The following NEBL variants were observed in gnomAD, a reference collection of about 807,000 sequenced individuals.
NEBL encodes the protein nebulette.
In NEBL, 122 loss-of-function variants were observed where a neutral mutation model predicts 140.2. That is an observed-to-expected ratio of 0.87 (90% CI 0.75 to 1.01). The LOEUF is 1.01. Ranked by LOEUF, NEBL falls within the 50% of genes least tolerant of loss-of-function variation. The pLI is 0.00. For missense variants in NEBL, 1,365 were observed against 1,231.3 expected (o/e 1.11, Z -1.62); for synonymous variants, 436 against 398.9 (o/e 1.09, Z -1.11).
At chr10:20,910,189 A>G (rs1339603769) in intron 4 of NEBL, among the ~76,000 whole-genome samples, 1 of 152,212 alleles carries the variant, frequency 6.6e-6, no homozygotes, top group Non-Finnish European at 1.5e-5. Flanking sequence ...TTTAAAAATT[A>G]TCTATATAGT....
intron 6 of NEBL, 137 bp downstream of exon 6, chr10:20,869,602 AG>A (rs942280849): frequency 4.0e-5 from 28 of 693,988 alleles, no homozygotes; most frequent in African/African-American, 3.7e-4. Flanking sequence ...TAGATAATTT[AG>A]GGGGGGAAAT....
chr10:20,878,240 A>G lies in NEBL; in HGVS notation c.480+2554T>C, dbSNP rs80137388. On this transcript the variant is annotated intron_variant, in intron 5 of 27. Coordinates refer to ENST00000377122, the MANE Select transcript of NEBL (RefSeq NM_006393.3). ...ATTACTAAAGGCACAAGAGAGAGACATCTTGGTTCACTAAAAGATATTAGA... is the reference window on the plus strand; with the variant it reads ...ATTACTAAAGGCACAAGAGAGAGACGTCTTGGTTCACTAAAAGATATTAGA... Among the ~76,000 whole-genome samples, 365 of 152,318 alleles carry G rather than the reference A, an allele frequency of 2.4e-3. 12 individuals are homozygous for G. The East Asian group carries it at 0.053, about 22-fold the overall frequency.
intron 4 of NEBL, among the ~76,000 whole-genome samples, chr10:20,942,378 C>A (rs921111046): frequency 2.6e-5 from 4 of 152,178 alleles, no homozygotes; most frequent in African/African-American, 7.2e-5. Flanking sequence ...GGAAAACTGG[C>A]TAGCCATATG....
chr10:21,183,846 A>G (rs1473525752), intron 3 of NEBL, among the ~76,000 whole-genome samples: 1 of 152,146 alleles, frequency 6.6e-6, no homozygotes, highest in East Asian at 1.9e-4. Context: ...TAATTGAATC[A>G]TGGGGGAGGG....
intron 2 of NEBL, among the ~76,000 whole-genome samples, chr10:21,088,872 T>C (rs1836776008): frequency 6.6e-6 from 1 of 152,172 alleles, no homozygotes; most frequent in Middle Eastern, 3.2e-3. Flanking sequence ...GAAGTCTTTC[T>C]AGAAGAGCTG....
At chr10:21,243,916 C>CAAAAGG (rs1302377570) in intron 3 of NEBL, among the ~76,000 whole-genome samples, 2 of 108,512 alleles carry the variant, frequency 1.8e-5, no homozygotes, top group African/African-American at 8.4e-5. Context: ...GGAAGGAAGG[C>CAAAAGG]GAAAGGGAAA....
At chr10:20,792,027 G>A (rs1836037289) in intron 26 of NEBL, among the ~76,000 whole-genome samples, 1 of 151,336 alleles carries the variant, frequency 6.6e-6, no homozygotes, top group African/African-American at 2.4e-5. Flanking sequence ...GTGCAGTGAA[G>A]CCACAGTTAA....
intron 1 of NEBL, among the ~76,000 whole-genome samples, chr10:21,275,157 C>T (rs991252824): frequency 2.6e-5 from 4 of 152,320 alleles, no homozygotes; most frequent in South Asian, 2.1e-4. Context: ...ACAGCTTTAT[C>T]GCGGCCTCAT....
At chr10:21,193,744 T>C (rs1239077904) in intron 3 of NEBL, among the ~76,000 whole-genome samples, 2 of 152,210 alleles carry the variant, frequency 1.3e-5, no homozygotes, top group Non-Finnish European at 1.5e-5. Context: ...GTGCCCTTGA[T>C]TCTTTATACA....
At chr10:21,109,034 T>C (rs1008593320) in intron 2 of NEBL, among the ~76,000 whole-genome samples, 3 of 152,286 alleles carry the variant, frequency 2.0e-5, no homozygotes, top group African/African-American at 7.2e-5. Flanking sequence ...TCCAATGCTA[T>C]GTTGAATAGG....
intron 4 of NEBL, among the ~76,000 whole-genome samples, chr10:20,921,794 C>CACACAT (rs1554806887): frequency 6.6e-6 from 1 of 151,748 alleles, no homozygotes; most frequent in Admixed American, 6.6e-5. Context: ...CACACACACA[C>CACACAT]ATATGTATAC....
chr10:20,893,138 C>T (rs1483353065), intron 2 of NEBL, among the ~76,000 whole-genome samples: 3 of 152,162 alleles, frequency 2.0e-5, no homozygotes, highest in African/African-American at 7.2e-5. Flanking sequence ...AGATGTGGTC[C>T]ACCTGCTCTG....
chr10:20,951,144 T>A (rs924665043), intron 4 of NEBL, among the ~76,000 whole-genome samples: 1 of 152,228 alleles, frequency 6.6e-6, no homozygotes, highest in South Asian at 2.1e-4. Flanking sequence ...TTTGTTACAA[T>A]TGATATAGCC....
intron 2 of NEBL, among the ~76,000 whole-genome samples, chr10:21,133,040 A>G (rs1839188325): frequency 6.6e-6 from 1 of 152,172 alleles, no homozygotes; most frequent in Admixed American, 6.5e-5. Flanking sequence ...TATATATAAA[A>G]CCACTGCCTA....
chr10:21,253,359 GA>G (rs768186600), intron 1 of NEBL, among the ~76,000 whole-genome samples: 66 of 152,180 alleles, frequency 4.3e-4, no homozygotes, highest in Non-Finnish European at 7.5e-4. Context: ...AATAGAGAGA[GA>G]TTTATAGGTA....
intron 1 of NEBL, among the ~76,000 whole-genome samples, chr10:21,267,188 C>CCAGT (rs1842807270): frequency 6.6e-6 from 1 of 152,122 alleles, no homozygotes; most frequent in Non-Finnish European, 1.5e-5. Context: ...ATTGGCCAGG[C>CCAGT]CAGTCTCAAA....
At chr10:21,182,308 C>T (rs180955792) in intron 3 of NEBL, among the ~76,000 whole-genome samples, 2 of 151,636 alleles carry the variant, frequency 1.3e-5, no homozygotes, top group African/African-American at 2.4e-5. Flanking sequence ...CCTGTCTCTA[C>T]CAAAAAAAAT....
chr10:20,859,734 A>C lies in NEBL; in HGVS notation c.777T>G (p.Leu259=), dbSNP rs377624818. Residue 259 remains leucine (L), a synonymous_variant, in exon 8 of 28, where the codon CTT becomes CTG. Transcript: ENST00000377122. The part of the protein sequence containing the change: ...LESASFRQNQ[L]AATLASNVKY... ...TTACATTGCTCGCCAGTGTAGCAGC[A>C]AGCTGATTCTGCCTAAAAGAAGCAC... 5.6e-6 allele frequency: 9 copies of C among 1,597,128 alleles called. No individual in the cohort carries two copies. The African/African-American group carries it at 1.2e-4, about 21-fold the overall frequency.
intron 3 of NEBL, among the ~76,000 whole-genome samples, chr10:21,218,477 A>C (rs1430466531): frequency 6.7e-6 from 1 of 149,076 alleles, no homozygotes; most frequent in Admixed American, 6.6e-5. Flanking sequence ...AAATTTTTTT[A>C]TCTTTGCTTT....
Sources: allele counts gnomAD v4.1 joint callset (sites outside exome capture counted in the v4.1 genomes callset), GRCh38; gene constraint gnomAD v4.1.1; transcripts MANE v1.5; gene names NCBI Gene and HGNC (gene_info 2026-07-23, HGNC 2026-07-21).